The following ZBTB20 variants were observed in gnomAD, a reference collection of about 807,000 sequenced individuals.
ZBTB20 encodes zinc finger and BTB domain-containing protein 20.
ZBTB20 carries 9 observed loss-of-function variants against 56.9 expected under a neutral mutation model. The ratio of observed to expected loss-of-function variants is 0.16; its 90% CI spans 0.10 to 0.28. The LOEUF (loss-of-function observed/expected upper bound fraction) is 0.28. Ranked by LOEUF, ZBTB20 falls within the 10% of genes least tolerant of loss-of-function variation. The probability of loss-of-function intolerance (pLI) is 1.00; values close to 1 mark genes in which losing one functional copy is unlikely to be tolerated. For synonymous variants in ZBTB20, 417 were observed against 420.7 expected, an observed-to-expected ratio of 0.99 and a Z score of 0.11; for missense variants, 655 against 1,003.0, an observed-to-expected ratio of 0.65 and a Z score of 4.69.
rs375146040 is a variant in ZBTB20, at chr3:114,992,128, C to G, written c.-506-17712G>C. On this transcript the variant is annotated intron_variant, in intron 2 of 11. Coordinates refer to ENST00000675478, the MANE Select transcript of ZBTB20 (RefSeq NM_001348800.3). ...TCCACTAGACATACCCACTCTCTCT[C>G]ACAAATAAATACTCACTGTATGATG... is the stretch of plus-strand genomic sequence containing the variant. Among the ~76,000 whole-genome samples the G allele has an allele frequency of 3.3e-5, 5 of 152,080 alleles. No individual in the cohort carries two copies. In the East Asian group the frequency reaches 9.7e-4, roughly 29 times the overall value.
intron 1 of ZBTB20, among the ~76,000 whole-genome samples, chr3:115,132,374 T>C (rs2084531767): frequency 1.3e-5 from 2 of 152,206 alleles, no homozygotes; most frequent in African/African-American, 4.8e-5. Context: ...TCTTATCTTT[T>C]ATCCAACTAC....
chr3:114,765,719 A>C (rs1560223939), intron 5 of ZBTB20, among the ~76,000 whole-genome samples: 1 of 152,222 alleles, frequency 6.6e-6, no homozygotes, highest in Non-Finnish European at 1.5e-5. Context: ...ATTGTTTAAG[A>C]AGGTTGAAAA....
At chr3:114,412,215 G>C (rs1025756366) in intron 7 of ZBTB20, among the ~76,000 whole-genome samples, 1 of 152,142 alleles carries the variant, frequency 6.6e-6, no homozygotes, top group East Asian at 1.9e-4. Flanking sequence ...ATTTGCACAA[G>C]TAATTCAATC....
intron 2 of ZBTB20, among the ~76,000 whole-genome samples, chr3:115,054,874 A>T (rs1224882783): frequency 3.3e-5 from 5 of 152,124 alleles, no homozygotes; most frequent in Non-Finnish European, 5.9e-5. Flanking sequence ...ATAGTGACTT[A>T]CAGGCATCAG....
intron 5 of ZBTB20, among the ~76,000 whole-genome samples, chr3:114,762,262 C>T (rs1206097719): frequency 6.6e-6 from 1 of 152,114 alleles, no homozygotes; most frequent in Admixed American, 6.6e-5. Context: ...TTGGTACTCA[C>T]TGGGGAAGCC....
At chr3:114,558,956 A>T (rs1577546422) in intron 6 of ZBTB20, among the ~76,000 whole-genome samples, 2 of 152,134 alleles carry the variant, frequency 1.3e-5, no homozygotes, top group East Asian at 3.8e-4. Context: ...TTCTAACATC[A>T]TTCAGGTCTC....
At chr3:114,620,698 A>G (rs1182787565) in intron 6 of ZBTB20, among the ~76,000 whole-genome samples, 1 of 152,210 alleles carries the variant, frequency 6.6e-6, no homozygotes, top group African/African-American at 2.4e-5. Flanking sequence ...GACTGAGCCA[A>G]TCTGACACTG....
At chr3:115,005,601 C>T (rs1273294700) in intron 2 of ZBTB20, among the ~76,000 whole-genome samples, 2 of 151,758 alleles carry the variant, frequency 1.3e-5, no homozygotes. Flanking sequence ...TATAATTAAT[C>T]CCAGTTTACA....
chr3:114,597,207 G>A (rs2056390907), intron 6 of ZBTB20, among the ~76,000 whole-genome samples: 1 of 152,236 alleles, frequency 6.6e-6, no homozygotes, highest in African/African-American at 2.4e-5. Flanking sequence ...CCTACTGAAA[G>A]TAGTGACCCC....
At chr3:114,411,196 C>T (rs1055189068) in intron 7 of ZBTB20, among the ~76,000 whole-genome samples, 2 of 152,128 alleles carry the variant, frequency 1.3e-5, no homozygotes, top group African/African-American at 4.8e-5. Flanking sequence ...GTGCAGGATG[C>T]ACCAGTCACC....
At chr3:115,057,369 T>C (rs1424365638) in intron 2 of ZBTB20, among the ~76,000 whole-genome samples, 3 of 152,110 alleles carry the variant, frequency 2.0e-5, no homozygotes, top group Admixed American at 6.5e-5. Flanking sequence ...GTAATGATTA[T>C]TGTAGGGTTT....
At chr3:115,055,803 A>G (rs1354207899) in intron 2 of ZBTB20, among the ~76,000 whole-genome samples, 1 of 152,140 alleles carries the variant, frequency 6.6e-6, no homozygotes, top group Non-Finnish European at 1.5e-5. Flanking sequence ...TAGCTGAGCA[A>G]GTGAAATTCA....
intron 4 of ZBTB20, among the ~76,000 whole-genome samples, chr3:114,817,104 T>C (rs1053446578): frequency 3.9e-5 from 6 of 152,042 alleles, no homozygotes; most frequent in Admixed American, 3.9e-4. Flanking sequence ...CTGACACATT[T>C]GCTAAAAGAA....
chr3:114,499,444 A>G (rs1323067726), intron 7 of ZBTB20, among the ~76,000 whole-genome samples: 1 of 152,238 alleles, frequency 6.6e-6, no homozygotes, highest in African/African-American at 2.4e-5. Flanking sequence ...AATACCTTGG[A>G]GTGAAGAGTC....
chr3:114,945,602 TAAA>T (rs546289414), intron 3 of ZBTB20, among the ~76,000 whole-genome samples: 1 of 144,702 alleles, frequency 6.9e-6, no homozygotes, highest in Non-Finnish European at 1.5e-5. Context: ...GGTTGATTAA[TAAA>T]AAAAGTTAAG....
chr3:114,407,222 T>C (rs2087424780), intron 7 of ZBTB20, among the ~76,000 whole-genome samples: 1 of 152,174 alleles, frequency 6.6e-6, no homozygotes, highest in Admixed American at 6.5e-5. Context: ...GTAGAGACAA[T>C]ACTGCTTGAA....
chr3:114,897,774 G>A (rs1560375284), intron 4 of ZBTB20, among the ~76,000 whole-genome samples: 1 of 152,098 alleles, frequency 6.6e-6, no homozygotes, highest in Non-Finnish European at 1.5e-5. Flanking sequence ...TGTTCCCAGA[G>A]GAAAGGTAGT....
chr3:114,452,014 C>T (rs917266090), intron 7 of ZBTB20, among the ~76,000 whole-genome samples: 1 of 151,814 alleles, frequency 6.6e-6, no homozygotes, highest in Non-Finnish European at 1.5e-5. Context: ...TATCCCAGTC[C>T]CTCTGCCCCT....
chr3:114,961,793 C>G (rs1460699511), intron 3 of ZBTB20, among the ~76,000 whole-genome samples: 2 of 151,994 alleles, frequency 1.3e-5, no homozygotes, highest in Admixed American at 6.6e-5. Context: ...TCATATAAAA[C>G]TAAAGGTAAT....
Sources: gnomAD v4.1 joint callset for allele counts (sites outside exome capture counted in the v4.1 genomes callset) on GRCh38, gnomAD v4.1.1 for gene constraint, MANE v1.5 for transcripts, NCBI Gene and HGNC (gene_info 2026-07-23, HGNC 2026-07-21) for gene names.